Variants in APPL2 observed in about 807,000 individuals in gnomAD.
APPL2 encodes DCC-interacting protein 13-beta.
In APPL2, 84 loss-of-function variants were observed where a neutral mutation model predicts 92.7. The ratio of observed to expected loss-of-function variants is 0.91; its 90% CI spans 0.76 to 1.09. The LOEUF (loss-of-function observed/expected upper bound fraction) is 1.09, where lower values mean the gene tolerates loss of function less well. APPL2 is among the 50% of genes least tolerant of loss of function. The pLI, the probability that APPL2 is intolerant of heterozygous loss-of-function variation, is 0.00. For synonymous variants in APPL2, 291 were observed against 291.0 expected, an observed-to-expected ratio of 1.00 and a Z score of 0.00; for missense variants, 736 against 824.5, an observed-to-expected ratio of 0.89 and a Z score of 1.31.
chr12:105,214,825 A>G (rs1401914645), intron 4 of APPL2, among the ~76,000 whole-genome samples: 4 of 152,186 alleles, frequency 2.6e-5, no homozygotes, highest in African/African-American at 7.2e-5. Flanking sequence ...TGGAGCTTTT[A>G]GCCCCGCCCC....
Position 105,177,023 on chromosome 12 carries a change from G to T in APPL2, c.1672-7C>A, listed in dbSNP as rs770390221. On this transcript the variant is annotated splice_polypyrimidine_tract_variant and splice_region_variant and intron_variant, in intron 18 of 20. Transcript: ENST00000258530. ...TGACACTGGTAAGTTCAAACTGGGG[G>T]GTGGAAAAAAAGGCAACAGATCATA... 1 of 1,611,812 alleles carries T rather than the reference G, an allele frequency of 6.2e-7. No homozygotes were observed. Among genetic ancestry groups the T allele is most frequent in the African/African-American group, 1.3e-5 (1 of 74,712 alleles).
intron 3 of APPL2, among the ~76,000 whole-genome samples, 178 bp downstream of exon 3, chr12:105,217,488 A>G (rs1889784311): frequency 6.6e-6 from 1 of 152,248 alleles, no homozygotes; most frequent in African/African-American, 2.4e-5. Flanking sequence ...AGAATACCTC[A>G]TAAAGACTTT....
chr12:105,207,703 T>C (rs545100128), intron 7 of APPL2, among the ~76,000 whole-genome samples: 1 of 152,146 alleles, frequency 6.6e-6, no homozygotes, highest in African/African-American at 2.4e-5. Context: ...GATAAATGAG[T>C]CAGACGAGGC....
intron 10 of APPL2, 103 bp downstream of exon 10, chr12:105,199,270 C>T (rs548783568): frequency 1.4e-6 from 2 of 1,384,436 alleles, no homozygotes; most frequent in East Asian, 4.7e-5. Flanking sequence ...CAGTCTCACC[C>T]ACCCACCTCC....
At chr12:105,198,015 C>T in intron 10 of APPL2, 62 bp from the exon 11 acceptor site, 15 of 1,531,618 alleles carry the variant, frequency 9.8e-6, no homozygotes, top group Admixed American at 2.0e-5. Flanking sequence ...ACCTCCAAGT[C>T]TTGCTACCTC....
intron 4 of APPL2, among the ~76,000 whole-genome samples, chr12:105,214,977 G>C (rs555112196): frequency 6.6e-6 from 1 of 152,352 alleles, no homozygotes; most frequent in East Asian, 1.9e-4. Flanking sequence ...GACGTCCCCA[G>C]AGAGGGCACG....
At chr12:105,230,346 T>C (rs1254430479) in intron 1 of APPL2, among the ~76,000 whole-genome samples, 2 of 152,156 alleles carry the variant, frequency 1.3e-5, no homozygotes, top group African/African-American at 4.8e-5. Flanking sequence ...ACATACTGGA[T>C]GGTGTACGAA....
At chr12:105,207,027 T>C (rs1384523826) in intron 8 of APPL2, 34 bp downstream of exon 8, 1 of 1,602,226 alleles carries the variant, frequency 6.2e-7, no homozygotes, top group Admixed American at 1.8e-5. Flanking sequence ...CACAGCTAGC[T>C]TAGGTTTCAG....
At position 105,208,182 on chromosome 12, in the gene APPL2, C is replaced by G; in HGVS notation, c.391G>C (p.Asp131His). The G allele has an allele frequency of 1.9e-6, 3 of 1,614,218 alleles. No homozygotes were observed. The highest frequency in any genetic ancestry group is 2.5e-6 in the Non-Finnish European group (3 of 1,180,028). The change falls in exon 6 of 21, where the codon GAT becomes CAT. Residue 131 changes from aspartate (D) to histidine (H), a missense_variant. Physicochemically the swap from Asp to His is moderately conservative, Grantham distance 81. Coordinates refer to ENST00000258530, the MANE Select transcript of APPL2 (RefSeq NM_018171.5). ...CCATTGCTAGCGAGTCCAAATAGAT[C>G]CTTTAAAGTGCTTACTTCTGAAAAG... ...KDLTEVSTLK[D>H]LFGLASNEHD...
intron 17 of APPL2, among the ~76,000 whole-genome samples, chr12:105,185,108 C>A (rs1311889040): frequency 2.0e-5 from 3 of 152,172 alleles, no homozygotes; most frequent in South Asian, 2.1e-4. Flanking sequence ...CCCCTCCCCC[C>A]CACCAAGCTC....
chr12:105,211,718 C>T (rs1019120919), intron 4 of APPL2, among the ~76,000 whole-genome samples: 2 of 152,180 alleles, frequency 1.3e-5, no homozygotes, highest in Non-Finnish European at 2.9e-5. Context: ...GCTCGACTCT[C>T]TCACTCTCCA....
At chr12:105,191,552 G>A (rs1167193044) in intron 14 of APPL2, among the ~76,000 whole-genome samples, 1 of 152,110 alleles carries the variant, frequency 6.6e-6, no homozygotes, top group Non-Finnish European at 1.5e-5. Flanking sequence ...ATCAAGATAG[G>A]GTGAGGCCAG....
At chr12:105,203,002 T>A (rs1388379255) in intron 9 of APPL2, among the ~76,000 whole-genome samples, 1 of 146,470 alleles carries the variant, frequency 6.8e-6, no homozygotes, top group Non-Finnish European at 1.5e-5. Flanking sequence ...TTTTGTCTAT[T>A]TGTCAACTAC....
intron 1 of APPL2, among the ~76,000 whole-genome samples, chr12:105,234,658 T>C (rs1268513400): frequency 6.6e-6 from 1 of 152,252 alleles, no homozygotes; most frequent in Non-Finnish European, 1.5e-5. Flanking sequence ...ACAGAGATCC[T>C]TGTTCAAAGT....
intron 1 of APPL2, chr12:105,233,430 A>G: frequency 1.0e-6 from 1 of 984,198 alleles, no homozygotes; most frequent in Non-Finnish European, 1.2e-6. Flanking sequence ...ACTGCAAACT[A>G]AAAAGGAGTC....
intron 17 of APPL2, among the ~76,000 whole-genome samples, chr12:105,183,138 G>A (rs1335123727): frequency 7.6e-6 from 1 of 132,236 alleles, no homozygotes; most frequent in Non-Finnish European, 1.5e-5. Flanking sequence ...TTTATTTTGA[G>A]CCTATGTGTG....
At chr12:105,201,146 TG>T (rs1888170526) in intron 9 of APPL2, among the ~76,000 whole-genome samples, 1 of 152,166 alleles carries the variant, frequency 6.6e-6, no homozygotes, top group African/African-American at 2.4e-5. Context: ...TGGCCTCAAG[TG>T]ACCCACCCAT....
At chr12:105,204,398 CT>C (rs1342616215) in intron 8 of APPL2, among the ~76,000 whole-genome samples, 7 of 152,188 alleles carry the variant, frequency 4.6e-5, no homozygotes, top group African/African-American at 1.2e-4. Flanking sequence ...CCTGAAGAGG[CT>C]AGCAGGTATT....
chr12:105,218,537 G>A (rs11112412), intron 2 of APPL2, among the ~76,000 whole-genome samples: 27,132 of 152,188 alleles, frequency 0.18, 2,637 homozygotes, highest in East Asian at 0.25. Context: ...CCATGGGGAC[G>A]AGCTTTCCAG....
Sources: allele counts gnomAD v4.1 joint callset (sites outside exome capture counted in the v4.1 genomes callset), GRCh38; gene constraint gnomAD v4.1.1; transcripts MANE v1.5; gene names NCBI Gene and HGNC (gene_info 2026-07-23, HGNC 2026-07-21).